DLGAP2: variants seen among roughly 807,000 people sequenced by gnomAD.
DLGAP2 encodes the protein DLG associated protein 2.
A neutral mutation model predicts 100.3 loss-of-function variants in DLGAP2; 26 were observed. That is an observed-to-expected ratio of 0.26 (90% confidence interval 0.19 to 0.36). The LOEUF (loss-of-function observed/expected upper bound fraction) is 0.36. Ranked by LOEUF, DLGAP2 falls within the 10% of genes least tolerant of loss-of-function variation. DLGAP2 has a pLI of 1.00. For synonymous variants in DLGAP2, 886 were observed against 630.1 expected (o/e 1.41, Z -6.08); for missense variants, 1,858 against 1,453.2 (o/e 1.28, Z -4.53).
At chr8:1,507,380 C>T (rs1228042732) in intron 4 of DLGAP2, among the ~76,000 whole-genome samples, 1 of 152,226 alleles carries the variant, frequency 6.6e-6, no homozygotes, top group Non-Finnish European at 1.5e-5. Flanking sequence ...AGCACATCCT[C>T]CGCAGCTGCT....
At chr8:1,289,484 A>T (rs10097829) in intron 3 of DLGAP2, among the ~76,000 whole-genome samples, 2 of 152,120 alleles carry the variant, frequency 1.3e-5, no homozygotes, top group Non-Finnish European at 2.9e-5. Flanking sequence ...CACACTGGAC[A>T]GTATCAGTAA....
intron 2 of DLGAP2, among the ~76,000 whole-genome samples, chr8:1,128,189 C>A (rs1202417730): frequency 7.9e-6 from 1 of 127,042 alleles, no homozygotes; most frequent in Non-Finnish European, 1.7e-5. Context: ...ACCTGCTCCC[C>A]GTGTTGTGTT....
intron 4 of DLGAP2, among the ~76,000 whole-genome samples, chr8:1,523,715 T>G (rs1293636825): frequency 3.3e-5 from 5 of 152,200 alleles, no homozygotes; most frequent in African/African-American, 1.2e-4. Context: ...ACTAATCATG[T>G]CCTTTTACTA....
At chr8:995,427 A>C (rs896022286) in intron 2 of DLGAP2, among the ~76,000 whole-genome samples, 1 of 152,208 alleles carries the variant, frequency 6.6e-6, no homozygotes, top group Non-Finnish European at 1.5e-5. Flanking sequence ...ATTAACAGTG[A>C]TTTATATTCC....
chr8:1,678,669 T>C, intron 12 of DLGAP2, 40 bp downstream of exon 12: 1 of 1,447,494 alleles, frequency 6.9e-7, no homozygotes, highest in Non-Finnish European at 9.1e-7. Flanking sequence ...TAAATATCAT[T>C]TCTCAGTAAT....
At chr8:738,317 C>A (rs568584623) in intron 1 of DLGAP2, among the ~76,000 whole-genome samples, 1 of 147,268 alleles carries the variant, frequency 6.8e-6, no homozygotes, top group Non-Finnish European at 1.5e-5. Context: ...GGGTGCCGGG[C>A]TGGGCTGCGC....
intron 3 of DLGAP2, among the ~76,000 whole-genome samples, chr8:1,372,804 C>T (rs760439528): frequency 6.6e-6 from 1 of 152,174 alleles, no homozygotes; most frequent in East Asian, 1.9e-4. Context: ...TTTTCCCAAG[C>T]GAACATGGCG....
rs56168507 is a variant in DLGAP2, at chr8:1,315,344, G to T, written c.106+56461G>T. 8.0e-4 allele frequency among the ~76,000 whole-genome samples: 108 copies of T among 134,808 alleles called. 7 individuals carry two copies. The East Asian group carries it at 0.014, about 17-fold the overall frequency. The allele number at this position is 134,808 out of a possible 152,430, so 88.4% of individuals were successfully genotyped here. The stretch of plus-strand genomic sequence containing the variant: ...GTCTACACTCGAGAAACTCGGCAGC[G>T]TTTAAAAATAGAGCCTATGCGAGTG... On this transcript the variant is annotated intron_variant, in intron 3 of 14. Coordinates refer to ENST00000637795, the MANE Select transcript of DLGAP2 (RefSeq NM_001346810.2).
At chr8:1,627,141 G>A (rs189389607) in intron 7 of DLGAP2, among the ~76,000 whole-genome samples, 1 of 152,222 alleles carries the variant, frequency 6.6e-6, no homozygotes, top group Non-Finnish European at 1.5e-5. Flanking sequence ...GACCAAAAGG[G>A]TGGTCATCCT....
At chr8:1,228,704 G>T (rs1297083472) in intron 2 of DLGAP2, among the ~76,000 whole-genome samples, 1 of 152,094 alleles carries the variant, frequency 6.6e-6, no homozygotes, top group Non-Finnish European at 1.5e-5. Flanking sequence ...CAACTCAATA[G>T]GTGCAGAAGA....
intron 3 of DLGAP2, among the ~76,000 whole-genome samples, chr8:1,349,894 T>C (rs1801668323): frequency 6.6e-6 from 1 of 152,234 alleles, no homozygotes; most frequent in Admixed American, 6.5e-5. Flanking sequence ...TTTATCTTTG[T>C]TTAATATTGA....
intron 3 of DLGAP2, among the ~76,000 whole-genome samples, chr8:1,386,454 C>A (rs4458906): frequency 6.6e-6 from 1 of 152,098 alleles, no homozygotes; most frequent in Admixed American, 6.5e-5. Flanking sequence ...TTCTCCAGAG[C>A]GGCAGGGACA....
intron 2 of DLGAP2, among the ~76,000 whole-genome samples, chr8:1,225,772 C>T (rs970751185): frequency 1.3e-5 from 2 of 152,168 alleles, no homozygotes; most frequent in African/African-American, 4.8e-5. Flanking sequence ...AAGTTCAAGA[C>T]ATCTATTGTG....
chr8:1,264,733 T>C (rs779587776), intron 3 of DLGAP2, among the ~76,000 whole-genome samples: 16 of 152,168 alleles, frequency 1.1e-4, no homozygotes, highest in Middle Eastern at 3.2e-3. Context: ...ATAACCCATA[T>C]AAAGAAACTT....
chr8:1,270,404 G>C (rs61541819), intron 3 of DLGAP2, among the ~76,000 whole-genome samples: 1 of 152,170 alleles, frequency 6.6e-6, no homozygotes, highest in East Asian at 1.9e-4. Context: ...TTGACTTATA[G>C]GATGCAGAAG....
chr8:1,374,966 T>C (rs1008849273), intron 3 of DLGAP2, among the ~76,000 whole-genome samples: 2 of 151,432 alleles, frequency 1.3e-5, no homozygotes, highest in African/African-American at 4.9e-5. Flanking sequence ...GTGGTCGATC[T>C]CAAGCCCAAT....
intron 2 of DLGAP2, among the ~76,000 whole-genome samples, chr8:1,253,368 G>A (rs2116886431): frequency 6.6e-6 from 1 of 152,296 alleles, no homozygotes; most frequent in East Asian, 1.9e-4. Flanking sequence ...TCCCCGGGTT[G>A]GTGTCAGGAG....
intron 3 of DLGAP2, among the ~76,000 whole-genome samples, chr8:1,322,678 C>A (rs1044116168): frequency 6.6e-6 from 1 of 152,192 alleles, no homozygotes; most frequent in Non-Finnish European, 1.5e-5. Context: ...CATCGTGCTG[C>A]GTCCTGCCTC....
intron 2 of DLGAP2, among the ~76,000 whole-genome samples, chr8:1,162,805 G>A (rs538033277): frequency 3.3e-5 from 5 of 152,338 alleles, no homozygotes; most frequent in Non-Finnish European, 5.9e-5. Flanking sequence ...CCGCCAAACG[G>A]CCCAGTTCTG....
Sources: allele counts gnomAD v4.1 joint callset (sites outside exome capture counted in the v4.1 genomes callset), GRCh38; gene constraint gnomAD v4.1.1; transcripts MANE v1.5; gene names NCBI Gene and HGNC (gene_info 2026-07-23, HGNC 2026-07-21).